PCDH15: variants seen among roughly 807,000 people sequenced by gnomAD.
The protein encoded by PCDH15 is protocadherin-15.
Under a neutral mutation model 178.5 loss-of-function variants are expected in PCDH15, and 129 were observed. The observed-to-expected ratio is 0.72, with a 90% confidence interval of 0.63 to 0.84. PCDH15 has a LOEUF of 0.84. Among genes scored for constraint, PCDH15 ranks in the 40% least tolerant of loss-of-function variants. The pLI is 0.00. For synonymous variants in PCDH15, 800 were observed against 732.0 expected, an observed-to-expected ratio of 1.09 and a Z score of -1.50; for missense variants, 2,230 against 2,099.9, an observed-to-expected ratio of 1.06 and a Z score of -1.21.
At chr10:55,626,427 T>C (rs1282977689) in intron 2 of PCDH15, among the ~76,000 whole-genome samples, 1 of 152,220 alleles carries the variant, frequency 6.6e-6, no homozygotes, top group Non-Finnish European at 1.5e-5. Flanking sequence ...AAATAAAATG[T>C]ACAGTAGTGT....
chr10:55,183,768 C>T (rs1044646012), intron 1 of PCDH15, among the ~76,000 whole-genome samples: 32 of 151,710 alleles, frequency 2.1e-4, no homozygotes, highest in African/African-American at 7.0e-4. Context: ...ATTGGTAATG[C>T]TGTATGTGGG....
intron 2 of PCDH15, among the ~76,000 whole-genome samples, chr10:55,016,359 C>G (rs1840179220): frequency 6.6e-6 from 1 of 151,902 alleles, no homozygotes; most frequent in Non-Finnish European, 1.5e-5. Context: ...TTTATTCTAT[C>G]TAACTATATT....
At chr10:54,832,283 T>G (rs1337819668) in intron 3 of PCDH15, among the ~76,000 whole-genome samples, 1 of 152,152 alleles carries the variant, frequency 6.6e-6, no homozygotes, top group East Asian at 1.9e-4. Flanking sequence ...AGCAGACTGG[T>G]CAGACCTGAT....
intron 21 of PCDH15, among the ~76,000 whole-genome samples, chr10:53,982,153 T>G (rs1299095370): frequency 6.6e-6 from 1 of 151,980 alleles, no homozygotes; most frequent in Non-Finnish European, 1.5e-5. Flanking sequence ...TGGCAATCAT[T>G]AAAAAGTCAG....
intron 2 of PCDH15, among the ~76,000 whole-genome samples, chr10:55,485,903 G>A (rs1246758823): frequency 6.6e-6 from 1 of 151,618 alleles, no homozygotes; most frequent in Admixed American, 6.6e-5. Context: ...ACCATAGTCA[G>A]TCACATAGAC....
chr10:54,575,145 T>A (rs1590209400), intron 2 of PCDH15: 1 of 116,184 alleles, frequency 8.6e-6, no homozygotes, highest in African/African-American at 3.4e-5. Context: ...CTCTGGGGAC[T>A]GTTGTGGGGT....
intron 3 of PCDH15, among the ~76,000 whole-genome samples, chr10:54,380,638 T>A: frequency 1.3e-5 from 1 of 75,816 alleles, no homozygotes; most frequent in Admixed American, 1.8e-4. Context: ...ATTGTGTGTA[T>A]GCATGTATAT....
At chr10:55,159,369 C>CTATCTA (rs1285021187) in intron 2 of PCDH15, among the ~76,000 whole-genome samples, 37 of 20,884 alleles carry the variant, frequency 1.8e-3, no homozygotes, top group African/African-American at 3.1e-3. Context: ...ATCTATCTAT[C>CTATCTA]TATATATATA....
At chr10:54,729,009 C>G (rs1458742233) in intron 1 of PCDH15, among the ~76,000 whole-genome samples, 1 of 151,352 alleles carries the variant, frequency 6.6e-6, no homozygotes, top group Non-Finnish European at 1.5e-5. Flanking sequence ...AAAGCTACTA[C>G]AAATTCAATG....
chr10:54,846,002 T>G (rs2131758055), intron 3 of PCDH15, among the ~76,000 whole-genome samples: 1 of 152,262 alleles, frequency 6.6e-6, no homozygotes, highest in South Asian at 2.1e-4. Context: ...CATAATTTAT[T>G]TTCTAAAAAC....
Position 54,234,130 on chromosome 10 carries a change from T to G in PCDH15, c.985+2693A>C, listed in dbSNP as rs7085027. 4.5e-3 allele frequency among the ~76,000 whole-genome samples: 465 copies of G among 103,190 alleles called. 4 individuals carry two copies. Among genetic ancestry groups the G allele is most frequent in the African/African-American group, 0.017 (429 of 24,986 alleles). The allele number at this position is 103,190 out of a possible 152,430, so 67.7% of individuals were successfully genotyped here. A position where few individuals can be genotyped will look rare whatever the true frequency, so the allele number is the denominator to read the frequency against. On this transcript the variant is annotated intron_variant, in intron 9 of 37. Transcript: ENST00000644397. ...TGAAGTCAGAGTCATGGATATCCCC[T>G]TCTGTGTGTGTGTGTGTGTGTGTGT...
chr10:54,311,037 G>A (rs1191800787), intron 8 of PCDH15, among the ~76,000 whole-genome samples: 1 of 152,062 alleles, frequency 6.6e-6, no homozygotes, highest in Non-Finnish European at 1.5e-5. Flanking sequence ...CTTCCCCGGA[G>A]GGAGAGGGTT....
chr10:54,803,584 A>G (rs1003571995), upstream of PCDH15, among the ~76,000 whole-genome samples: 5 of 152,116 alleles, frequency 3.3e-5, no homozygotes, highest in African/African-American at 9.7e-5. Context: ...TCATTTGTCT[A>G]AAGATGCTTT....
intron 1 of PCDH15, among the ~76,000 whole-genome samples, chr10:54,733,184 C>T (rs1566072677): frequency 6.6e-6 from 1 of 151,456 alleles, no homozygotes; most frequent in Non-Finnish European, 1.5e-5. Flanking sequence ...GGAAAGAAAG[C>T]TCTCTCTATT....
chr10:55,186,262 ACT>A (rs1214060137), intron 1 of PCDH15, among the ~76,000 whole-genome samples: 2 of 151,532 alleles, frequency 1.3e-5, no homozygotes, highest in African/African-American at 2.4e-5. Context: ...TAATTATTCC[ACT>A]CTATGTTTTT....
At chr10:55,496,458 T>C (rs963826215) in intron 2 of PCDH15, among the ~76,000 whole-genome samples, 39 of 152,012 alleles carry the variant, frequency 2.6e-4, no homozygotes, top group Middle Eastern at 6.8e-3. Context: ...CATTTTTATA[T>C]TGAAAATAAA....
intron 32 of PCDH15, chr10:53,823,137 T>A: frequency 6.2e-7 from 1 of 1,614,034 alleles, no homozygotes; most frequent in Non-Finnish European, 8.5e-7. Flanking sequence ...TATGTTTTCC[T>A]TATAAAGGGG....
intron 3 of PCDH15, among the ~76,000 whole-genome samples, chr10:54,387,765 A>T (rs1950096464): frequency 1.3e-5 from 2 of 152,232 alleles, no homozygotes; most frequent in South Asian, 4.1e-4. Context: ...AGTGAGGGAG[A>T]TAAATTTGAG....
chr10:54,478,257 A>G (rs897619504), intron 3 of PCDH15, among the ~76,000 whole-genome samples: 2 of 152,102 alleles, frequency 1.3e-5, no homozygotes, highest in Non-Finnish European at 2.9e-5. Flanking sequence ...GCATATGCAG[A>G]TTTGGATATT....
Sources: allele counts gnomAD v4.1 joint callset (sites outside exome capture counted in the v4.1 genomes callset), GRCh38; gene constraint gnomAD v4.1.1; transcripts MANE v1.5; gene names NCBI Gene and HGNC (gene_info 2026-07-23, HGNC 2026-07-21).